SLC8A3: variants seen among roughly 807,000 people sequenced by gnomAD.
SLC8A3 encodes sodium/calcium exchanger 3.
In SLC8A3, 37 loss-of-function variants were observed where a neutral mutation model predicts 65.4. The ratio of observed to expected loss-of-function variants is 0.57; its 90% confidence interval spans 0.44 to 0.74. The LOEUF (loss-of-function observed/expected upper bound fraction) is 0.74. Ranked by LOEUF, SLC8A3 falls within the 30% of genes least tolerant of loss-of-function variation. The pLI is 0.00. For synonymous variants in SLC8A3, 461 were observed against 444.5 expected, an observed-to-expected ratio of 1.04 and a Z score of -0.47; for missense variants, 1,112 against 1,172.1, an observed-to-expected ratio of 0.95 and a Z score of 0.75.
At chr14:70,110,673 CTTTTTTTTTTTTT>C (rs71102684) in intron 2 of SLC8A3, among the ~76,000 whole-genome samples, 1 of 91,858 alleles carries the variant, frequency 1.1e-5, no homozygotes, top group African/African-American at 3.7e-5. Context: ...ATACCTCTTT[CTTTTTTTTTTTTT>C]TTTTTTTTTT....
At chr14:70,099,511 A>G (rs1424539210) in intron 2 of SLC8A3, among the ~76,000 whole-genome samples, 1 of 152,170 alleles carries the variant, frequency 6.6e-6, no homozygotes, top group Non-Finnish European at 1.5e-5. Flanking sequence ...AGTTTTCCCA[A>G]TTGTAAAGTT....
At chr14:70,141,991 G>T (rs1350796911) in intron 2 of SLC8A3, among the ~76,000 whole-genome samples, 1 of 152,300 alleles carries the variant, frequency 6.6e-6, no homozygotes, top group Admixed American at 6.5e-5. Flanking sequence ...CCTCTCACCA[G>T]TGACCAGAGC....
intron 2 of SLC8A3, among the ~76,000 whole-genome samples, chr14:70,165,809 C>T (rs1418993019): frequency 6.6e-6 from 1 of 152,214 alleles, no homozygotes; most frequent in African/African-American, 2.4e-5. Context: ...AGAAGAGGTA[C>T]TTCAGGAGAG....
At chr14:70,068,261 A>T (rs183445085) in intron 2 of SLC8A3, among the ~76,000 whole-genome samples, 6 of 152,316 alleles carry the variant, frequency 3.9e-5, no homozygotes, top group Admixed American at 3.9e-4. Flanking sequence ...AGTTGAACAG[A>T]TGATTAATAC....
rs76086886 is a variant in SLC8A3 at position 70,166,733 on chromosome 14, C to T, written c.1690G>A (p.Val564Ile). 32 of 1,613,970 alleles carry T rather than the reference C, an allele frequency of 2.0e-5. No individual in the cohort carries two copies. The highest frequency in any genetic ancestry group is 3.3e-5 in the South Asian group (3 of 91,084). Residue 564 changes from valine (V) to isoleucine (I), a missense_variant, in exon 2 of 7, where the codon GTC becomes ATC. Val to Ile is a conservative substitution (Grantham distance 29, BLOSUM62 3). Transcript: ENST00000356921. ...RTSGARGTVI[V>I]PFRTVEGTAK... ...GTCCCTTCTACTGTCCTAAAGGGGACGATGACTGTACCCCGGGCACCTGAT... is the reference window on the plus strand; with the variant it reads ...GTCCCTTCTACTGTCCTAAAGGGGATGATGACTGTACCCCGGGCACCTGAT...
At chr14:70,067,320 C>A (rs895504368) in intron 2 of SLC8A3, among the ~76,000 whole-genome samples, 4 of 152,218 alleles carry the variant, frequency 2.6e-5, no homozygotes, top group Non-Finnish European at 1.5e-5. Flanking sequence ...TCAACACAGC[C>A]TGAAGTTAGT....
intron 3 of SLC8A3, 100 bp from the exon 4 acceptor site, chr14:70,052,214 A>G: frequency 1.4e-6 from 2 of 1,398,366 alleles, no homozygotes; most frequent in Non-Finnish European, 1.9e-6. Flanking sequence ...CAAAGCAAAT[A>G]ACTCTTGGGA....
chr14:70,082,284 T>TA (rs1555372841), intron 2 of SLC8A3, among the ~76,000 whole-genome samples: 2 of 152,088 alleles, frequency 1.3e-5, no homozygotes, highest in African/African-American at 4.8e-5. Flanking sequence ...AATAATTTCT[T>TA]GGGGGGGTGA....
intron 1 of SLC8A3, among the ~76,000 whole-genome samples, chr14:70,185,785 C>T (rs529283325): frequency 2.6e-5 from 4 of 152,294 alleles, no homozygotes; most frequent in African/African-American, 9.6e-5. Flanking sequence ...TACTTAATCA[C>T]ATACATAAAT....
intron 1 of SLC8A3, among the ~76,000 whole-genome samples, chr14:70,179,868 C>T (rs1474970120): frequency 2.0e-5 from 3 of 152,186 alleles, no homozygotes; most frequent in African/African-American, 7.2e-5. Context: ...AATTGGGGCT[C>T]ATTTATTGCT....
chr14:70,050,427 C>G lies in SLC8A3; in HGVS notation c.2113+581G>C, dbSNP rs186663366. On this transcript the variant is annotated intron_variant, in intron 5 of 6. Coordinates refer to ENST00000356921, the MANE Select transcript of SLC8A3 (RefSeq NM_182932.3). ...GTGATAGTGATGGTGGTTGGGAGAC[C>G]TTTTCCGTCCCTGTTCCAACCAGCA... Among the ~76,000 whole-genome samples the G allele has an allele frequency of 4.2e-3, 640 of 152,202 alleles. 2 individuals are homozygous for G. The highest frequency in any genetic ancestry group is 0.014 in the Middle Eastern group (4 of 294).
intron 2 of SLC8A3, among the ~76,000 whole-genome samples, chr14:70,137,604 T>G (rs769273615): frequency 1.3e-5 from 2 of 152,178 alleles, no homozygotes; most frequent in African/African-American, 2.4e-5. Context: ...GGTATCAAGG[T>G]GCAAATGTGG....
At chr14:70,118,833 C>A (rs1363501579) in intron 2 of SLC8A3, among the ~76,000 whole-genome samples, 1 of 152,294 alleles carries the variant, frequency 6.6e-6, no homozygotes, top group East Asian at 1.9e-4. Flanking sequence ...CAGTTGTACA[C>A]ACACACACAA....
At chr14:70,050,814 C>T (rs1235398420) in intron 5 of SLC8A3, among the ~76,000 whole-genome samples, 194 bp downstream of exon 5, 4 of 152,156 alleles carry the variant, frequency 2.6e-5, no homozygotes, top group South Asian at 2.1e-4. Context: ...AGCAGAACAA[C>T]GATTTGAAAC....
At position 70,167,226 on chromosome 14, in the gene SLC8A3, G is replaced by T; in HGVS notation, c.1197C>A (p.Phe399Leu). The part of the protein sequence containing the change: ...DEPEDFISKV[F>L]FDPCSYQCLE... ...GGCACTGGTAAGAACATGGGTCAAA[G>T]AAGACCTTGGAAATAAAGTCCTCAG... Residue 399 changes from phenylalanine (F) to leucine (L), a missense_variant, in exon 2 of 7, where the codon TTC becomes TTA. By Grantham distance (22) the Phe-to-Leu change is conservative. Transcript: ENST00000356921. 1 of 1,614,184 alleles carries T rather than the reference G, an allele frequency of 6.2e-7. No individual in the cohort carries two copies. Among genetic ancestry groups the T allele is most frequent in the South Asian group, 1.1e-5 (1 of 91,078 alleles).
At chr14:70,078,739 C>T (rs1221087382) in intron 2 of SLC8A3, among the ~76,000 whole-genome samples, 3 of 152,172 alleles carry the variant, frequency 2.0e-5, no homozygotes, top group African/African-American at 7.2e-5. Flanking sequence ...TAAATTCCCT[C>T]ATCAGATTTC....
At chr14:70,157,684 G>C (rs557029480) in intron 2 of SLC8A3, among the ~76,000 whole-genome samples, 1 of 152,162 alleles carries the variant, frequency 6.6e-6, no homozygotes, top group East Asian at 1.9e-4. Context: ...GACAGAAAGC[G>C]GTCTCTAGAG....
intron 2 of SLC8A3, among the ~76,000 whole-genome samples, chr14:70,147,144 G>T (rs1895978720): frequency 6.6e-6 from 1 of 152,158 alleles, no homozygotes; most frequent in South Asian, 2.1e-4. Flanking sequence ...GCTTGGAAAG[G>T]TTTTCTATGG....
At chr14:70,102,709 A>ATT (rs1441932524) in intron 2 of SLC8A3, among the ~76,000 whole-genome samples, 2 of 152,168 alleles carry the variant, frequency 1.3e-5, no homozygotes, top group African/African-American at 4.8e-5. Context: ...TGAAGGTGGC[A>ATT]TAATAAAGGA....
Sources: allele counts gnomAD v4.1 joint callset (sites outside exome capture counted in the v4.1 genomes callset), GRCh38; gene constraint gnomAD v4.1.1; transcripts MANE v1.5; gene names NCBI Gene and HGNC (gene_info 2026-07-23, HGNC 2026-07-21).